RBFOX1: variants seen among roughly 807,000 people sequenced by gnomAD.
The protein encoded by RBFOX1 is RNA binding protein fox-1 homolog 1.
In RBFOX1, 8 loss-of-function variants were observed where a neutral mutation model predicts 57.7. The observed-to-expected ratio is 0.14, with a 90% CI of 0.08 to 0.25. RBFOX1 has a LOEUF of 0.25. Ranked by LOEUF, RBFOX1 falls within the 10% of genes least tolerant of loss-of-function variation. RBFOX1 has a pLI of 1.00. For synonymous variants in RBFOX1, 326 were observed against 222.4 expected (o/e 1.47, Z -4.15); for missense variants, 611 against 548.5 (o/e 1.11, Z -1.14).
intron 4 of RBFOX1, among the ~76,000 whole-genome samples, chr16:7,170,694 TG>T (rs2152454036): frequency 6.6e-6 from 1 of 152,352 alleles, no homozygotes; most frequent in Non-Finnish European, 1.5e-5. Context: ...TCTTTGGGTT[TG>T]GTTTCTGCTG....
At chr16:6,075,309 G>A (rs568061301) in intron 1 of RBFOX1, among the ~76,000 whole-genome samples, 1 of 152,072 alleles carries the variant, frequency 6.6e-6, no homozygotes, top group African/African-American at 2.4e-5. Context: ...CCAGGGAGGT[G>A]GAAAATAAAT....
At position 6,779,899 on chromosome 16, in the gene RBFOX1, TTATATATATTTATATATTTA is replaced by T. The variant is rs2080218062; in HGVS notation, c.-16+125257_-16+125276del. Among the ~76,000 whole-genome samples, 6 of 6,530 alleles carry T rather than the reference TTATATATATTTATATATTTA, an allele frequency of 9.2e-4. 1 individual carries two copies. Among genetic ancestry groups the T allele is most frequent in the East Asian group, 8.8e-3 (1 of 114 alleles). 4.3% of individuals were successfully genotyped at this position (6,530 alleles called of 152,430 possible). ...TATATTTATATATATTTATATATAT[TTATATATATTTATATATTTA>T]TATATATTTATATATATTTATATAT... On this transcript the variant is annotated intron_variant, in intron 3 of 15. Coordinates refer to ENST00000550418, the MANE Select transcript of RBFOX1 (RefSeq NM_018723.4).
At chr16:6,564,391 C>A (rs976947822) in intron 2 of RBFOX1, among the ~76,000 whole-genome samples, 9 of 152,220 alleles carry the variant, frequency 5.9e-5, no homozygotes, top group Non-Finnish European at 1.3e-4. Flanking sequence ...ACCCAGGAGA[C>A]AGAGCTTGCA....
chr16:7,209,206 A>C (rs1227576500), intron 4 of RBFOX1, among the ~76,000 whole-genome samples: 1 of 151,510 alleles, frequency 6.6e-6, no homozygotes, highest in Non-Finnish European at 1.5e-5. Flanking sequence ...GTGGCAGTGC[A>C]TGCATGTAAT....
chr16:5,379,688 C>G (rs1325114446), intron 1 of RBFOX1, among the ~76,000 whole-genome samples: 2 of 152,128 alleles, frequency 1.3e-5, no homozygotes, highest in Admixed American at 1.3e-4. Context: ...AGTGGTTTAT[C>G]AACTGTATTC....
intron 4 of RBFOX1, among the ~76,000 whole-genome samples, chr16:7,370,580 G>A (rs1016252965): frequency 6.6e-6 from 1 of 152,166 alleles, no homozygotes; most frequent in African/African-American, 2.4e-5. Flanking sequence ...TTTCAGATGT[G>A]CTGCCTTGCA....
At chr16:5,460,933 G>C (rs1021432213) in intron 1 of RBFOX1, among the ~76,000 whole-genome samples, 1 of 152,174 alleles carries the variant, frequency 6.6e-6, no homozygotes, top group Non-Finnish European at 1.5e-5. Flanking sequence ...CAGGAAGGGG[G>C]GTGGGTGGTG....
chr16:5,575,211 T>A (rs1354902696), intron 2 of RBFOX1, among the ~76,000 whole-genome samples: 1 of 152,228 alleles, frequency 6.6e-6, no homozygotes, highest in Non-Finnish European at 1.5e-5. Flanking sequence ...ATAGTTTGTT[T>A]CTTAATTTTA....
intron 4 of RBFOX1, among the ~76,000 whole-genome samples, chr16:7,179,104 G>C (rs566051003): frequency 6.6e-6 from 1 of 151,998 alleles, no homozygotes; most frequent in Non-Finnish European, 1.5e-5. Flanking sequence ...CTTCGTTTTG[G>C]TCAGATCCCA....
intron 3 of RBFOX1, among the ~76,000 whole-genome samples, chr16:6,851,754 CACAG>C (rs1433359378): frequency 4.6e-5 from 7 of 152,126 alleles, no homozygotes; most frequent in Non-Finnish European, 5.9e-5. Context: ...GACTGGAACT[CACAG>C]GCAGAAGGAC....
intron 4 of RBFOX1, among the ~76,000 whole-genome samples, chr16:7,143,314 A>C (rs1299267499): frequency 6.6e-6 from 1 of 151,898 alleles, no homozygotes; most frequent in South Asian, 2.1e-4. Flanking sequence ...CCTCCACCGC[A>C]TTCCCGACCC....
At chr16:7,138,008 A>G (rs962514966) in intron 4 of RBFOX1, among the ~76,000 whole-genome samples, 1 of 152,182 alleles carries the variant, frequency 6.6e-6, no homozygotes, top group South Asian at 2.1e-4. Flanking sequence ...GAGGTTAGGT[A>G]ACTTGCCCGA....
At chr16:6,641,465 T>G (rs1410002721) in intron 2 of RBFOX1, among the ~76,000 whole-genome samples, 2 of 152,092 alleles carry the variant, frequency 1.3e-5, no homozygotes, top group Admixed American at 1.3e-4. Context: ...CCGGGCACGG[T>G]GGCCCACACC....
chr16:7,233,310 TC>T (rs2093606485), intron 4 of RBFOX1, among the ~76,000 whole-genome samples: 1 of 152,114 alleles, frequency 6.6e-6, no homozygotes, highest in Admixed American at 6.5e-5. Flanking sequence ...AAAGACCTTT[TC>T]TATTTAAAAG....
chr16:5,587,956 C>G (rs542520931), intron 2 of RBFOX1, among the ~76,000 whole-genome samples: 2 of 152,162 alleles, frequency 1.3e-5, no homozygotes, highest in South Asian at 4.2e-4. Context: ...TGACAGTTAC[C>G]TAAATGTCCA....
At chr16:6,822,690 T>C (rs892172224) in intron 3 of RBFOX1, among the ~76,000 whole-genome samples, 4 of 152,312 alleles carry the variant, frequency 2.6e-5, no homozygotes, top group Non-Finnish European at 5.9e-5. Context: ...GGTGTGTTTT[T>C]AAAGATCCAA....
intron 3 of RBFOX1, among the ~76,000 whole-genome samples, chr16:5,731,989 A>T (rs1045261490): frequency 2.0e-5 from 3 of 152,144 alleles, no homozygotes; most frequent in Non-Finnish European, 2.9e-5. Context: ...TCTCCACCCC[A>T]TATCAGTGAG....
chr16:5,987,673 C>T (rs2060308965), intron 4 of RBFOX1, among the ~76,000 whole-genome samples: 1 of 152,088 alleles, frequency 6.6e-6, no homozygotes, highest in Non-Finnish European at 1.5e-5. Flanking sequence ...TATGAGTAGC[C>T]ACCGTACTGC....
At position 6,933,399 on chromosome 16, in the gene RBFOX1, T is replaced by C. The variant is rs142934775; in HGVS notation, c.-15-118658T>C. Among the ~76,000 whole-genome samples, 1,032 of 152,340 alleles carry C rather than the reference T, an allele frequency of 6.8e-3. 10 individuals are homozygous for C. Among genetic ancestry groups the C allele is most frequent in the South Asian group, 0.042 (203 of 4,824 alleles). On this transcript the variant is annotated intron_variant, in intron 3 of 15. Coordinates refer to ENST00000550418, the MANE Select transcript of RBFOX1 (RefSeq NM_018723.4). ...ATCTGTCCACATCATTGCCAACACT[T>C]ATATTCAATTTTCAGAAATAATGGC...
Sources: gnomAD v4.1 joint callset for allele counts (sites outside exome capture counted in the v4.1 genomes callset) on GRCh38, gnomAD v4.1.1 for gene constraint, MANE v1.5 for transcripts, NCBI Gene and HGNC (gene_info 2026-07-23, HGNC 2026-07-21) for gene names.